Variants in DIS3L2 observed in about 807,000 individuals in gnomAD.
DIS3L2 encodes the protein DIS3-like exonuclease 2.
A neutral mutation model predicts 97.5 loss-of-function variants in DIS3L2; 34 were observed. The observed-to-expected ratio is 0.35, with a 90% CI of 0.27 to 0.46. The LOEUF (loss-of-function observed/expected upper bound fraction) is 0.46. Among genes scored for constraint, DIS3L2 ranks in the 20% least tolerant of loss-of-function variants. The pLI is 1.00. For synonymous variants in DIS3L2, 435 were observed against 445.2 expected (o/e 0.98, Z 0.29); for missense variants, 1,038 against 1,146.0 (o/e 0.91, Z 1.36).
chr2:231,981,259 A>G (rs950934419), intron 1 of DIS3L2, among the ~76,000 whole-genome samples: 5 of 151,998 alleles, frequency 3.3e-5, no homozygotes, highest in Non-Finnish European at 5.9e-5. Flanking sequence ...TCATGTTTTT[A>G]AAAATAATTT....
intron 6 of DIS3L2, among the ~76,000 whole-genome samples, chr2:232,102,751 A>G (rs953891085): frequency 2.5e-4 from 38 of 152,202 alleles, no homozygotes; most frequent in African/African-American, 8.7e-4. Context: ...GCTATGTTCT[A>G]CAGTTCGGTG....
chr2:232,334,320 T>C lies in DIS3L2; in HGVS notation c.2159-49T>C, dbSNP rs1326876009. ...GCAGCCCATCCCCCAGCCATAGCTCTTCCCAGCCCCCCAGGCTCCCACTCT... is the reference window on the plus strand; with the variant it reads ...GCAGCCCATCCCCCAGCCATAGCTCCTCCCAGCCCCCCAGGCTCCCACTCT... On this transcript the variant is annotated intron_variant, in intron 17 of 20. Transcript: ENST00000325385. 4 of 1,596,110 alleles carry C rather than the reference T, an allele frequency of 2.5e-6. No individual in the cohort carries two copies. In the South Asian group the frequency reaches 4.5e-5, roughly 18 times the overall value.
chr2:232,263,778 C>T (rs1693785245), intron 13 of DIS3L2, among the ~76,000 whole-genome samples: 1 of 152,172 alleles, frequency 6.6e-6, no homozygotes, highest in Non-Finnish European at 1.5e-5. Context: ...ATCCTCACCT[C>T]AGGTCTCTAC....
intron 10 of DIS3L2, among the ~76,000 whole-genome samples, chr2:232,227,493 A>G (rs1046042170): frequency 1.3e-5 from 2 of 152,268 alleles, no homozygotes; most frequent in African/African-American, 2.4e-5. Flanking sequence ...TGCCGTTATT[A>G]TGAGACCACC....
chr2:232,095,210 T>C (rs543441534), intron 6 of DIS3L2, among the ~76,000 whole-genome samples: 1 of 152,320 alleles, frequency 6.6e-6, no homozygotes, highest in South Asian at 2.1e-4. Context: ...TGTTTTTTGG[T>C]TGTTTTGTGG....
intron 1 of DIS3L2, among the ~76,000 whole-genome samples, chr2:232,006,404 A>G (rs1484577470): frequency 6.6e-6 from 1 of 152,222 alleles, no homozygotes; most frequent in Non-Finnish European, 1.5e-5. Flanking sequence ...TTGAAGGTAG[A>G]ATAGACAGAA....
rs535854968 is a variant in DIS3L2, at chr2:232,267,543, T to C, written c.1659+4103T>C. Among the ~76,000 whole-genome samples, 11 of 152,360 alleles carry C rather than the reference T, an allele frequency of 7.2e-5. No homozygotes were observed. The South Asian group carries it at 2.3e-3, about 32-fold the overall frequency. On this transcript the variant is annotated intron_variant, in intron 13 of 20. Transcript: ENST00000325385. ...ATAGATGTTTGTTTTATTTTATTTATAACATATGTCTCTCATTTCTGAAAA... is the reference window on the plus strand; with the variant it reads ...ATAGATGTTTGTTTTATTTTATTTACAACATATGTCTCTCATTTCTGAAAA...
At chr2:232,090,340 A>G (rs996045206) in intron 6 of DIS3L2, among the ~76,000 whole-genome samples, 12 of 152,054 alleles carry the variant, frequency 7.9e-5, no homozygotes, top group Non-Finnish European at 1.8e-4. Flanking sequence ...ACTGTTATTT[A>G]TATTACTTCC....
At chr2:232,126,136 C>G (rs987448922) in intron 6 of DIS3L2, among the ~76,000 whole-genome samples, 1 of 152,132 alleles carries the variant, frequency 6.6e-6, no homozygotes, top group Non-Finnish European at 1.5e-5. Context: ...TCTCTGCTAC[C>G]ATTGTCTCTT....
intron 5 of DIS3L2, among the ~76,000 whole-genome samples, chr2:232,079,523 C>T (rs542164452): frequency 8.1e-5 from 11 of 135,136 alleles, no homozygotes; most frequent in Non-Finnish European, 1.5e-4. Flanking sequence ...TGGTGTGAAC[C>T]GGGGAGGCGG....
intron 10 of DIS3L2, among the ~76,000 whole-genome samples, chr2:232,216,463 C>T (rs1692335892): frequency 6.6e-6 from 1 of 152,160 alleles, no homozygotes; most frequent in Non-Finnish European, 1.5e-5. Flanking sequence ...TGCCTGGTTT[C>T]CCCTTTCCCT....
intron 9 of DIS3L2, among the ~76,000 whole-genome samples, chr2:232,171,322 T>C (rs1360146554): frequency 6.6e-6 from 1 of 152,208 alleles, no homozygotes; most frequent in Admixed American, 6.5e-5. Context: ...GTGGAACTAG[T>C]ATTCCTTAGA....
At chr2:232,190,817 G>A (rs1273353539) in intron 9 of DIS3L2, among the ~76,000 whole-genome samples, 1 of 152,180 alleles carries the variant, frequency 6.6e-6, no homozygotes, top group Non-Finnish European at 1.5e-5. Flanking sequence ...GCTCCAGAAT[G>A]TAAAGGGTGG....
At chr2:232,025,025 C>T (rs1281582873) in intron 4 of DIS3L2, among the ~76,000 whole-genome samples, 1 of 152,072 alleles carries the variant, frequency 6.6e-6, no homozygotes, top group Admixed American at 6.6e-5. Context: ...TATAGAATCA[C>T]AGATTTTTCA....
At chr2:232,343,427 C>T (rs541892070) in exon 14 of DIS3L2, 6 of 1,556,018 alleles carry the variant, frequency 3.9e-6, no homozygotes, top group East Asian at 2.4e-5. Context: ...CAGCCCTCCA[C>T]AGAGGAACGC....
intron 7 of DIS3L2, 140 bp downstream of exon 7, chr2:232,130,859 TA>T (rs879745299): frequency 0.021 from 20,319 of 968,612 alleles, no homozygotes; most frequent in South Asian, 0.027. Flanking sequence ...AAAAGTGAAT[TA>T]AAAAAAAAAA....
intron 1 of DIS3L2, among the ~76,000 whole-genome samples, chr2:232,003,479 T>C (rs1436967067): frequency 2.6e-5 from 4 of 152,326 alleles, no homozygotes; most frequent in Middle Eastern, 3.4e-3. Flanking sequence ...TAGAAATAAT[T>C]TTCCTTAAAA....
chr2:232,021,448 T>C (rs1018683030), intron 3 of DIS3L2, among the ~76,000 whole-genome samples: 1 of 147,914 alleles, frequency 6.8e-6, no homozygotes, highest in Non-Finnish European at 1.5e-5. Flanking sequence ...ATATTTGAAT[T>C]TTTTTTTTTT....
intron 5 of DIS3L2, among the ~76,000 whole-genome samples, chr2:232,051,811 C>CAAAAAAAAAAAAA (rs58851349): frequency 2.7e-5 from 1 of 37,062 alleles, no homozygotes; most frequent in Non-Finnish European, 4.8e-5. Context: ...GACTCCGTCT[C>CAAAAAAAAAAAAA]AAAAAAAAAA....
Sources: gnomAD v4.1 joint callset for allele counts (sites outside exome capture counted in the v4.1 genomes callset) on GRCh38, gnomAD v4.1.1 for gene constraint, MANE v1.5 for transcripts, NCBI Gene and HGNC (gene_info 2026-07-23, HGNC 2026-07-21) for gene names.